HDX: variants seen among roughly 807,000 people sequenced by gnomAD.
HDX encodes chromosome X open reading frame 43.
A neutral mutation model predicts 45.2 loss-of-function variants in HDX; 19 were observed. The observed-to-expected ratio is 0.42, with a 90% CI of 0.29 to 0.62. The LOEUF (loss-of-function observed/expected upper bound fraction) is 0.62, where lower values mean the gene tolerates loss of function less well. HDX is among the 20% of genes least tolerant of loss of function. The pLI is 0.20. For missense variants in HDX, 532 were observed against 493.9 expected (o/e 1.08, Z -0.73); for synonymous variants, 188 against 172.8 (o/e 1.09, Z -0.69).
intron 6 of HDX, among the ~76,000 whole-genome samples, chrX:84,346,615 C>T (rs760137479): frequency 9.1e-6 from 1 of 110,423 alleles, no homozygotes; most frequent in Non-Finnish European, 1.9e-5. Flanking sequence ...GACAAAGGTG[C>T]AAAAAGAATT....
At chrX:84,411,783 A>G (rs1298885496) in intron 5 of HDX, among the ~76,000 whole-genome samples, 1 of 111,393 alleles carries the variant, frequency 9.0e-6, no homozygotes, top group Non-Finnish European at 1.9e-5. Flanking sequence ...CCACACTATT[A>G]TTGTGTGGTT....
intron 6 of HDX, among the ~76,000 whole-genome samples, chrX:84,357,449 T>C (rs1367700630): frequency 9.0e-6 from 1 of 111,629 alleles, no homozygotes; most frequent in African/African-American, 3.3e-5. Flanking sequence ...CAATGCTAAG[T>C]TATGCAGAAA....
intron 2 of HDX, among the ~76,000 whole-genome samples, chrX:84,476,310 C>T (rs984015342): frequency 3.6e-5 from 4 of 110,456 alleles, no homozygotes; most frequent in African/African-American, 6.6e-5. Context: ...TCACACTAAA[C>T]TTGTTAATCC....
At chrX:84,467,284 C>T (rs1270479131) in intron 4 of HDX, among the ~76,000 whole-genome samples, 3 of 110,976 alleles carry the variant, frequency 2.7e-5, no homozygotes, top group Non-Finnish European at 5.7e-5. Context: ...TCAGAACAGC[C>T]TGGAAGCATC....
chrX:84,325,702 T>C (rs2036694573), intron 10 of HDX, among the ~76,000 whole-genome samples: 1 of 111,804 alleles, frequency 8.9e-6, no homozygotes, highest in Admixed American at 9.5e-5. Context: ...CAAAGTAATT[T>C]CATATTTTCT....
At chrX:84,461,195 A>G (rs921782966) in intron 4 of HDX, among the ~76,000 whole-genome samples, 7 of 111,876 alleles carry the variant, frequency 6.3e-5, no homozygotes, top group South Asian at 3.7e-4. Context: ...TGGAACCATA[A>G]AAGAACCAGA....
chrX:84,405,648 A>G, intron 5 of HDX, among the ~76,000 whole-genome samples: 1 of 82,203 alleles, frequency 1.2e-5, no homozygotes, highest in Non-Finnish European at 2.4e-5. Context: ...CTCACAAGCT[A>G]TATATATATA....
At chrX:84,487,785 G>GT (rs2040824669) in intron 2 of HDX, among the ~76,000 whole-genome samples, 2 of 112,119 alleles carry the variant, frequency 1.8e-5, no homozygotes, top group Non-Finnish European at 3.8e-5. Context: ...TTCCCTTAGA[G>GT]TTTATTTTAG....
At chrX:84,501,641 A>T (rs984072900) in intron 1 of HDX, 2 of 112,260 alleles carry the variant, frequency 1.8e-5, no homozygotes, top group African/African-American at 6.5e-5. Context: ...TAATATCTGG[A>T]AATTTAGAAT....
chrX:84,388,560 T>A (rs1167480125), intron 5 of HDX, among the ~76,000 whole-genome samples: 1 of 112,409 alleles, frequency 8.9e-6, no homozygotes, highest in African/African-American at 3.2e-5. Flanking sequence ...GTCTTTGAGC[T>A]CTGAAATTCT....
At chrX:84,345,252 T>G (rs12156698) in intron 6 of HDX, among the ~76,000 whole-genome samples, 129 of 111,828 alleles carry the variant, frequency 1.2e-3, no homozygotes, top group Non-Finnish European at 2.0e-3. Context: ...AGGAAATTGA[T>G]ACTGTACAAT....
At chrX:84,360,904 A>AT (rs2037607237) in intron 6 of HDX, among the ~76,000 whole-genome samples, 3 of 111,675 alleles carry the variant, frequency 2.7e-5, no homozygotes, top group African/African-American at 9.7e-5. Context: ...TTGGATATAC[A>AT]TTTTTTATTC....
chrX:84,454,850 A>C (rs1343166836), intron 4 of HDX, among the ~76,000 whole-genome samples: 2 of 110,904 alleles, frequency 1.8e-5, no homozygotes, highest in Non-Finnish European at 3.8e-5. Flanking sequence ...TCCCTTCCCC[A>C]GTTCCAGGCG....
chrX:84,353,973 C>T (rs1381960971), intron 6 of HDX, among the ~76,000 whole-genome samples: 1 of 111,470 alleles, frequency 9.0e-6, no homozygotes. Context: ...CTGAACTCTC[C>T]CTTCTACATT....
intron 5 of HDX, among the ~76,000 whole-genome samples, chrX:84,433,162 G>A (rs1170754121): frequency 9.0e-6 from 1 of 111,372 alleles, no homozygotes; most frequent in Non-Finnish European, 1.9e-5. Context: ...ATGCAGAGAC[G>A]TTTTAGTTTG....
At chrX:84,351,845 T>C (rs1260401665) in intron 6 of HDX, among the ~76,000 whole-genome samples, 2 of 111,912 alleles carry the variant, frequency 1.8e-5, no homozygotes, top group Admixed American at 1.9e-4. Flanking sequence ...GGGAAAATTA[T>C]GTCCACTCCA....
chrX:84,410,967 A>T (rs2038969458), intron 5 of HDX, among the ~76,000 whole-genome samples: 1 of 111,412 alleles, frequency 9.0e-6, no homozygotes, highest in African/African-American at 3.3e-5. Flanking sequence ...GGTGTTCATA[A>T]TAGTCTCTGA....
chrX:84,389,567 A>G lies in HDX; in HGVS notation c.1306-27955T>C, dbSNP rs931466448. Among the ~76,000 whole-genome samples the G allele has an allele frequency of 1.3e-4, 14 of 111,583 alleles. No homozygotes were observed. The East Asian group carries it at 1.7e-3, about 14-fold the overall frequency. ...GGTTCTGGCCGCACTGAGGGATCCA[A>G]TGTTTTCCCAGGTCACCAGGAAAAT... On this transcript the variant is annotated intron_variant, in intron 5 of 10. Transcript: ENST00000373177.
At chrX:84,361,388 G>A (rs1178786043) in intron 6 of HDX, 78 bp downstream of exon 6, 5 of 878,892 alleles carry the variant, frequency 5.7e-6, no homozygotes, top group Non-Finnish European at 8.1e-6. Flanking sequence ...ATTGCTTGGA[G>A]CACCTCATGT....
Sources: gnomAD v4.1 joint callset for allele counts (sites outside exome capture counted in the v4.1 genomes callset) on GRCh38, gnomAD v4.1.1 for gene constraint, MANE v1.5 for transcripts, NCBI Gene and HGNC (gene_info 2026-07-23, HGNC 2026-07-21) for gene names.